WWOX: variants seen among roughly 807,000 people sequenced by gnomAD.
The protein encoded by WWOX is WW domain containing oxidoreductase, also known as WW domain-containing oxidoreductase.
WWOX carries 69 observed loss-of-function variants against 46.2 expected under a neutral mutation model. That is an observed-to-expected ratio of 1.49 (90% CI 1.23 to 1.82). WWOX has a LOEUF of 1.82. WWOX is among the 40% of genes most tolerant of loss of function. The probability of loss-of-function intolerance (pLI) is 0.00; values close to 1 mark genes in which losing one functional copy is unlikely to be tolerated. For synonymous variants in WWOX, 359 were observed against 202.6 expected, an observed-to-expected ratio of 1.77 and a Z score of -6.56; for missense variants, 919 against 542.6, an observed-to-expected ratio of 1.69 and a Z score of -6.89.
chr16:78,914,176 C>G (rs1248965892), intron 8 of WWOX, among the ~76,000 whole-genome samples: 1 of 152,064 alleles, frequency 6.6e-6, no homozygotes, highest in East Asian at 1.9e-4. Context: ...TCCCATAACT[C>G]TATTTTATTT....
chr16:78,689,786 C>T (rs765324969), intron 8 of WWOX, among the ~76,000 whole-genome samples: 2 of 152,150 alleles, frequency 1.3e-5, no homozygotes, highest in Non-Finnish European at 2.9e-5. Flanking sequence ...ACAGCCTTGA[C>T]CCCTGTTGAA....
At chr16:79,038,214 A>C (rs2047905254) in intron 8 of WWOX, among the ~76,000 whole-genome samples, 1 of 152,144 alleles carries the variant, frequency 6.6e-6, no homozygotes, top group Non-Finnish European at 1.5e-5. Context: ...GCCCTTTGCA[A>C]ATATTTGTCT....
At chr16:78,726,135 CTTTT>C in intron 8 of WWOX, among the ~76,000 whole-genome samples, 1 of 142,414 alleles carries the variant, frequency 7.0e-6, no homozygotes, top group Non-Finnish European at 1.5e-5. Flanking sequence ...CTCCCTCTCT[CTTTT>C]TCTCTTTCTC....
At chr16:78,536,999 G>C (rs2667630) in intron 8 of WWOX, among the ~76,000 whole-genome samples, 86,924 of 150,140 alleles carry the variant, frequency 0.58, 27,983 homozygotes, top group Middle Eastern at 0.73. Context: ...TGACTGCAAC[G>C]TGCACCTCTC....
At chr16:78,235,881 G>A (rs930504397) in intron 5 of WWOX, among the ~76,000 whole-genome samples, 1 of 152,172 alleles carries the variant, frequency 6.6e-6, no homozygotes, top group Non-Finnish European at 1.5e-5. Context: ...CAGCAGAGGG[G>A]CTGTAGCATA....
At chr16:78,301,045 A>G (rs768304411) in intron 5 of WWOX, among the ~76,000 whole-genome samples, 94 of 150,262 alleles carry the variant, frequency 6.3e-4, no homozygotes, top group Non-Finnish European at 1.1e-3. Context: ...TCCATCATCC[A>G]TCCATGCATG....
At chr16:79,145,604 G>C (rs929127759) in intron 8 of WWOX, among the ~76,000 whole-genome samples, 2 of 152,236 alleles carry the variant, frequency 1.3e-5, no homozygotes, top group African/African-American at 4.8e-5. Flanking sequence ...CATTATTTTA[G>C]AAGTTTTAAC....
intron 8 of WWOX, among the ~76,000 whole-genome samples, chr16:78,575,038 T>TTCA (rs2044829642): frequency 1.3e-3 from 4 of 3,044 alleles, no homozygotes; most frequent in African/African-American, 1.3e-3. Context: ...TATATATATA[T>TTCA]ATATATATAT....
intron 8 of WWOX, among the ~76,000 whole-genome samples, chr16:78,610,890 C>T (rs186423815): frequency 6.6e-6 from 1 of 152,128 alleles, no homozygotes; most frequent in East Asian, 1.9e-4. Flanking sequence ...CAATTAATGA[C>T]AGGAAGCCTA....
chr16:78,990,200 AAAG>A (rs969857732), intron 8 of WWOX, among the ~76,000 whole-genome samples: 9 of 151,158 alleles, frequency 6.0e-5, no homozygotes, highest in African/African-American at 2.2e-4. Flanking sequence ...AAAAAAAAAA[AAAG>A]AGAGAGAGGT....
Position 78,808,845 on chromosome 16 carries a change from G to T in WWOX, c.1056+376093G>T, listed in dbSNP as rs1259756794. ...TTATGTCCACCCATCAACCTCTACG[G>T]CTGCCCCTCATTTGAACACACAAAA... On this transcript the variant is annotated intron_variant, in intron 8 of 8. Transcript: ENST00000566780. Among the ~76,000 whole-genome samples, 5 of 151,996 alleles carry T rather than the reference G, an allele frequency of 3.3e-5. 1 individual carries two copies. Among genetic ancestry groups the T allele is most frequent in the Admixed American group, 3.3e-4 (5 of 15,264 alleles).
At chr16:78,662,721 C>G (rs545453908) in intron 8 of WWOX, among the ~76,000 whole-genome samples, 96 of 152,266 alleles carry the variant, frequency 6.3e-4, no homozygotes, top group African/African-American at 2.2e-3. Context: ...TGAGGGTGGT[C>G]ATTGACTGGG....
At chr16:78,393,438 T>A (rs73569084) in intron 6 of WWOX, among the ~76,000 whole-genome samples, 2,207 of 152,134 alleles carry the variant, frequency 0.015, 53 homozygotes, top group African/African-American at 0.051. Flanking sequence ...GTGAGAGGAT[T>A]GCTTAAGCCC....
At chr16:78,803,282 T>G (rs1347363171) in intron 8 of WWOX, among the ~76,000 whole-genome samples, 1 of 151,338 alleles carries the variant, frequency 6.6e-6, no homozygotes, top group Admixed American at 6.6e-5. Context: ...CGTGCTCTTG[T>G]GTGTTATTGT....
At chr16:78,896,919 C>T (rs1014913496) in intron 8 of WWOX, 5 of 151,858 alleles carry the variant, frequency 3.3e-5, no homozygotes, top group Admixed American at 2.0e-4. Context: ...GGATCCACCA[C>T]CCCAGTTAAG....
At chr16:78,118,132 C>T (rs1020061819) in intron 4 of WWOX, among the ~76,000 whole-genome samples, 2 of 151,622 alleles carry the variant, frequency 1.3e-5, no homozygotes, top group Non-Finnish European at 2.9e-5. Flanking sequence ...GGACATCCCT[C>T]CCTTGATAGA....
At chr16:78,682,830 C>T (rs557653639) in intron 8 of WWOX, among the ~76,000 whole-genome samples, 1 of 152,282 alleles carries the variant, frequency 6.6e-6, no homozygotes, top group South Asian at 2.1e-4. Flanking sequence ...AGGATAATGC[C>T]TTAATGCCTG....
At chr16:79,057,499 T>A (rs1345485058) in intron 8 of WWOX, among the ~76,000 whole-genome samples, 2 of 152,198 alleles carry the variant, frequency 1.3e-5, no homozygotes, top group African/African-American at 4.8e-5. Context: ...ATTATTTCTG[T>A]TATATTTCCT....
At chr16:79,072,181 G>A (rs2048563561) in intron 8 of WWOX, among the ~76,000 whole-genome samples, 1 of 152,108 alleles carries the variant, frequency 6.6e-6, no homozygotes, top group South Asian at 2.1e-4. Context: ...AGCTACTCAG[G>A]AAGCTGAGAT....
Sources: gnomAD v4.1 joint callset for allele counts (sites outside exome capture counted in the v4.1 genomes callset) on GRCh38, gnomAD v4.1.1 for gene constraint, MANE v1.5 for transcripts, NCBI Gene and HGNC (gene_info 2026-07-23, HGNC 2026-07-21) for gene names.